The following NPAS1 variants were observed in gnomAD, a reference collection of about 807,000 sequenced individuals.
The protein encoded by NPAS1 is neuronal PAS domain protein 1, also known as neuronal PAS domain-containing protein 1.
In NPAS1, 29 loss-of-function variants were observed where a neutral mutation model predicts 49.2. The observed-to-expected ratio is 0.59, with a 90% CI of 0.44 to 0.80. NPAS1 has a LOEUF of 0.80. Among genes scored for constraint, NPAS1 ranks in the 30% least tolerant of loss-of-function variants. NPAS1 has a pLI of 0.00. For synonymous variants in NPAS1, 408 were observed against 380.4 expected, an observed-to-expected ratio of 1.07 and a Z score of -0.84; for missense variants, 825 against 835.5, an observed-to-expected ratio of 0.99 and a Z score of 0.15.
At position 47,045,514 on chromosome 19, in the gene NPAS1, C is replaced by T; in HGVS notation, c.1636C>T (p.Pro546Ser). The T allele has an allele frequency of 6.5e-7, 1 of 1,539,880 alleles. No individual in the cohort carries two copies. The highest frequency in any genetic ancestry group is 2.0e-5 in the Admixed American group (1 of 50,158). Residue 546 changes from proline to serine, a missense_variant, in exon 12 of 12, where the codon CCC (proline) becomes TCC (serine). Physicochemically the swap from Pro to Ser is moderately conservative, Grantham distance 74 (BLOSUM62 -1). Coordinates refer to ENST00000602212, the MANE Select transcript of NPAS1 (RefSeq NM_002517.4). ...LCTPGTIRYG[P>S]AELGLVYPHL... ...CACACCCGGCACCATCCGCTACGGC[C>T]CCGCGGAGCTGGGCCTGGTGTACCC... is the stretch of plus-strand genomic sequence containing the variant.
rs1599909942 is a variant in NPAS1 at position 47,036,253 on chromosome 19, T to A, written c.688+124T>A. 10 of 1,042,538 alleles carry A rather than the reference T, an allele frequency of 9.6e-6. No individual in the cohort carries two copies. In the East Asian group the frequency reaches 2.7e-4, roughly 29 times the overall value. The allele number at this position is 1,042,538 out of a possible 1,614,324, so 64.6% of individuals were successfully genotyped here. On this transcript the variant is annotated intron_variant, in intron 6 of 11. Transcript: ENST00000602212. ...AAGTTAGAACTGTGTAGAACGAATC[T>A]TTGCAAAAGGAATCGGAGTATAAAT... is the stretch of plus-strand genomic sequence containing the variant.
intron 5 of NPAS1, 117 bp downstream of exon 5, chr19:47,032,849 C>G (rs1327936258): frequency 2.7e-6 from 2 of 735,030 alleles, no homozygotes; most frequent in East Asian, 5.3e-5. Context: ...GACTGGATCT[C>G]TGTGGTCCCC....
At chr19:47,035,671 G>A (rs896850284) in intron 5 of NPAS1, among the ~76,000 whole-genome samples, 3 of 152,126 alleles carry the variant, frequency 2.0e-5, no homozygotes, top group African/African-American at 4.8e-5. Flanking sequence ...CAGGAGTTGG[G>A]TAAACGGAGG....
chr19:47,038,097 TGGA>T (rs775765027), intron 6 of NPAS1, among the ~76,000 whole-genome samples: 9 of 152,054 alleles, frequency 5.9e-5, no homozygotes, highest in African/African-American at 9.7e-5. Context: ...GAGGGCTTCT[TGGA>T]GGAGGAGAAG....
intron 4 of NPAS1, 108 bp downstream of exon 4, chr19:47,032,459 T>G: frequency 7.8e-7 from 1 of 1,283,588 alleles, no homozygotes; most frequent in Non-Finnish European, 1.1e-6. Context: ...GTACCTGGAC[T>G]GGGAAGGCGA....
intron 3 of NPAS1, among the ~76,000 whole-genome samples, chr19:47,027,829 G>C (rs1454161719): frequency 6.6e-6 from 1 of 152,322 alleles, no homozygotes; most frequent in African/African-American, 2.4e-5. Flanking sequence ...GATGAGTGAT[G>C]TTTGGGTTCT....
intron 3 of NPAS1, among the ~76,000 whole-genome samples, chr19:47,025,296 T>C (rs73566504): frequency 0.079 from 10,406 of 131,938 alleles, 2,067 homozygotes; most frequent in East Asian, 0.28. Context: ...TATTTATTTA[T>C]AGACGGAGTT....
intron 3 of NPAS1, among the ~76,000 whole-genome samples, chr19:47,025,536 C>T (rs1035249663): frequency 2.8e-4 from 43 of 152,108 alleles, no homozygotes; most frequent in Middle Eastern, 3.4e-3. Flanking sequence ...CCGCAGCCTC[C>T]CAAAGTGCTG....
intron 3 of NPAS1, among the ~76,000 whole-genome samples, chr19:47,031,535 C>A (rs1273772205): frequency 2.8e-5 from 4 of 141,914 alleles, no homozygotes; most frequent in Admixed American, 7.1e-5. Flanking sequence ...TTCTTTCTTT[C>A]TTTTTTTTTT....
intron 3 of NPAS1, among the ~76,000 whole-genome samples, chr19:47,030,594 T>C (rs1474885367): frequency 6.6e-6 from 1 of 150,462 alleles, no homozygotes; most frequent in Non-Finnish European, 1.5e-5. Flanking sequence ...CCTCCCAAAG[T>C]GCTGAGATCA....
intron 5 of NPAS1, among the ~76,000 whole-genome samples, chr19:47,035,050 A>T (rs184983519): frequency 6.6e-6 from 1 of 151,268 alleles, no homozygotes; most frequent in African/African-American, 2.5e-5. Flanking sequence ...GTGTGTTGGC[A>T]CATGCCTGTA....
intron 8 of NPAS1, among the ~76,000 whole-genome samples, chr19:47,039,808 CCTT>C (rs1479970692): frequency 6.6e-6 from 1 of 152,130 alleles, no homozygotes; most frequent in Non-Finnish European, 1.5e-5. Context: ...TCCGGGCCCT[CCTT>C]CTGGGGCTGC....
intron 1 of NPAS1, chr19:47,020,769 G>A (rs1416341823): frequency 1.3e-5 from 3 of 231,294 alleles, no homozygotes; most frequent in Admixed American, 5.7e-5. Context: ...GGCGTGAGGC[G>A]GGCGCGCTGG....
At position 47,021,905 on chromosome 19, in the gene NPAS1, C is replaced by T; in HGVS notation, c.358+58C>T. 8.5e-7 allele frequency: 1 copy of T among 1,180,436 alleles called. No individual in the cohort carries two copies. Among genetic ancestry groups the T allele is most frequent in the Non-Finnish European group, 1.1e-6 (1 of 893,736 alleles). The allele number at this position is 1,180,436 out of a possible 1,614,324, so 73.1% of individuals were successfully genotyped here. ...GGCCCTCCAGGCGGAGTCACTGCAGCCCAGATCCGGGCTGCGGGCCTGCCC... is the reference window on the plus strand; with the variant it reads ...GGCCCTCCAGGCGGAGTCACTGCAGTCCAGATCCGGGCTGCGGGCCTGCCC... On this transcript the variant is annotated intron_variant, in intron 3 of 11. Transcript: ENST00000602212. The surrounding 1 kb of genome is among the most constrained non-coding windows in gnomAD (Gnocchi z 5.7).
chr19:47,044,015 G>A (rs1445871646), intron 11 of NPAS1, among the ~76,000 whole-genome samples: 1 of 152,144 alleles, frequency 6.6e-6, no homozygotes, highest in Non-Finnish European at 1.5e-5. Context: ...GCAGTGCGCT[G>A]TGACAGCTGT....
At chr19:47,043,091 G>A (rs1053652800) in intron 11 of NPAS1, among the ~76,000 whole-genome samples, 187 bp downstream of exon 11, 1 of 152,046 alleles carries the variant, frequency 6.6e-6, no homozygotes, top group Non-Finnish European at 1.5e-5. Flanking sequence ...TGGATCACGA[G>A]GTCAAGAGAT....
At chr19:47,040,956 T>C in intron 9 of NPAS1, 22 bp from the exon 10 acceptor site, 1 of 1,127,720 alleles carries the variant, frequency 8.9e-7, no homozygotes. Context: ...CCCCTTCCCA[T>C]CTCTCCCTGG....
intron 6 of NPAS1, among the ~76,000 whole-genome samples, chr19:47,038,454 T>TCGCAGTAGGCCGAGATCATGCCACTGCA (rs1568507731): frequency 1.4e-5 from 2 of 142,214 alleles, no homozygotes; most frequent in South Asian, 2.2e-4. Flanking sequence ...GAGACGGAGG[T>TCGCAGTAGGCCGAGATCATGCCACTGCA]CGCAGTAGGC....
chr19:47,045,056 ACAAAC>A lies in NPAS1; in HGVS notation c.1313-134_1313-130del, dbSNP rs1568512663. The A allele has an allele frequency of 2.7e-4, 236 of 862,528 alleles. 2 individuals are homozygous for A. The African/African-American group carries it at 4.3e-3, about 16-fold the overall frequency. The allele number at this position is 862,528 out of a possible 1,614,324, so 53.4% of individuals were successfully genotyped here. On this transcript the variant is annotated intron_variant, in intron 11 of 11. Coordinates refer to ENST00000602212, the MANE Select transcript of NPAS1 (RefSeq NM_002517.4). ...CAAAAAAACAAAAAACAAAAACAAA[ACAAAC>A]AAACAAAAAAAAAAACCCCACTCCC...
Sources: gnomAD v4.1 joint callset for allele counts (sites outside exome capture counted in the v4.1 genomes callset) on GRCh38, gnomAD v4.1.1 for gene constraint, Gnocchi (gnomAD v3.1) non-coding constraint, MANE v1.5 for transcripts, NCBI Gene and HGNC (gene_info 2026-07-23, HGNC 2026-07-21) for gene names.